ZNF536: variants seen among roughly 807,000 people sequenced by gnomAD.
ZNF536 encodes the protein zinc finger protein 536.
A neutral mutation model predicts 84.5 loss-of-function variants in ZNF536; 13 were observed. That is an observed-to-expected ratio of 0.15 (90% CI 0.10 to 0.24). The LOEUF is 0.24. Among genes scored for constraint, ZNF536 ranks in the 10% least tolerant of loss-of-function variants. The pLI is 1.00. For missense variants in ZNF536, 1,536 were observed against 1,747.5 expected, an observed-to-expected ratio of 0.88 and a Z score of 2.16; for synonymous variants, 811 against 742.5, an observed-to-expected ratio of 1.09 and a Z score of -1.50.
At chr19:30,621,658 A>G (rs2048486651) in intron 1 of ZNF536, among the ~76,000 whole-genome samples, 3 of 152,266 alleles carry the variant, frequency 2.0e-5, no homozygotes, top group Non-Finnish European at 2.9e-5. Context: ...ACCTGAGAAC[A>G]TGTAAAGTTA....
chr19:30,699,251 G>T (rs2051792321), intron 1 of ZNF536, among the ~76,000 whole-genome samples: 1 of 152,118 alleles, frequency 6.6e-6, no homozygotes, highest in Admixed American at 6.5e-5. Context: ...AGAAACCAAT[G>T]TCACCACTTC....
At chr19:30,284,719 T>C (rs2045570086) in intron 2 of ZNF536, among the ~76,000 whole-genome samples, 1 of 152,238 alleles carries the variant, frequency 6.6e-6, no homozygotes, top group East Asian at 1.9e-4. Context: ...CATCTGAGGC[T>C]GCCCCTGATA....
At chr19:30,515,698 G>T (rs1416157586) in intron 2 of ZNF536, among the ~76,000 whole-genome samples, 1 of 151,988 alleles carries the variant, frequency 6.6e-6, no homozygotes, top group Non-Finnish European at 1.5e-5. Context: ...CTTCTTAATG[G>T]AATCTCCCAG....
At position 30,653,966 on chromosome 19, in the gene ZNF536, C is replaced by T. The variant is rs540273264; in HGVS notation, c.170-56791C>T. Among the ~76,000 whole-genome samples, 7 of 152,308 alleles carry T rather than the reference C, an allele frequency of 4.6e-5. No individual in the cohort carries two copies. In the South Asian group the frequency reaches 1.0e-3, roughly 23 times the overall value. On this transcript the variant is annotated intron_variant, in intron 1 of 1. Transcript: ENST00000592773. ...CCCATCAGAACCCAGGACTCACCTG[C>T]GTGCTTTAGCTCTGCCTTCTGGCAA... is the stretch of plus-strand genomic sequence containing the variant.
chr19:30,594,732 C>G (rs1312505446), intron 1 of ZNF536, among the ~76,000 whole-genome samples: 2 of 152,014 alleles, frequency 1.3e-5, no homozygotes, highest in African/African-American at 4.8e-5. Context: ...CCTCCCTCCC[C>G]ACTCTTCTCC....
At chr19:30,385,562 G>T (rs949156836) in intron 1 of ZNF536, among the ~76,000 whole-genome samples, 3 of 151,754 alleles carry the variant, frequency 2.0e-5, no homozygotes, top group Admixed American at 6.6e-5. Context: ...GCAGGATAAA[G>T]GTTAACATCC....
chr19:30,618,198 C>G (rs1048166091), intron 1 of ZNF536, among the ~76,000 whole-genome samples: 12 of 152,174 alleles, frequency 7.9e-5, no homozygotes, highest in African/African-American at 2.9e-4. Flanking sequence ...GTATAATGCC[C>G]CACTTAGGTA....
intron 2 of ZNF536, among the ~76,000 whole-genome samples, chr19:30,474,674 A>T (rs2053774809): frequency 1.3e-5 from 2 of 152,194 alleles, no homozygotes. Flanking sequence ...ACTATTAATT[A>T]AGGTTGATAT....
intron 1 of ZNF536, among the ~76,000 whole-genome samples, chr19:30,259,765 T>G (rs2145232661): frequency 6.6e-6 from 1 of 152,166 alleles, no homozygotes; most frequent in South Asian, 2.1e-4. Flanking sequence ...GCTTCTTTTT[T>G]TTTCTGAGAC....
At chr19:30,279,879 T>C (rs2045374771) in intron 1 of ZNF536, among the ~76,000 whole-genome samples, 1 of 152,208 alleles carries the variant, frequency 6.6e-6, no homozygotes, top group African/African-American at 2.4e-5. Flanking sequence ...AAATCCTCCT[T>C]GCCCAACTCT....
At chr19:30,654,275 T>G (rs1400145515) in intron 1 of ZNF536, among the ~76,000 whole-genome samples, 2 of 152,106 alleles carry the variant, frequency 1.3e-5, no homozygotes, top group Non-Finnish European at 2.9e-5. Flanking sequence ...GGCATAGTAA[T>G]CACCCAGTTC....
chr19:30,587,459 C>T (rs2047133636), intron 1 of ZNF536, among the ~76,000 whole-genome samples: 2 of 152,200 alleles, frequency 1.3e-5, no homozygotes, highest in Non-Finnish European at 2.9e-5. Context: ...GTCTCCATCA[C>T]CCATGGTGAA....
rs551795264 is a variant in ZNF536, at chr19:30,694,528, G to T, written c.170-16229G>T. On this transcript the variant is annotated intron_variant, in intron 1 of 1. Transcript: ENST00000592773. ...GGTGATGCCTGGGAAGTAAATGGGT[G>T]CCAGGCAGCGGGAATAAGTGGGACC... is the stretch of plus-strand genomic sequence containing the variant. 4.8e-4 allele frequency among the ~76,000 whole-genome samples: 73 copies of T among 152,298 alleles called. No homozygotes were observed. The South Asian group carries it at 0.012, about 25-fold the overall frequency.
intron 1 of ZNF536, among the ~76,000 whole-genome samples, chr19:30,397,483 T>C (rs909291567): frequency 6.6e-5 from 10 of 152,200 alleles, no homozygotes; most frequent in African/African-American, 2.2e-4. Context: ...GATATTACTA[T>C]TGGGAGAAAC....
intron 1 of ZNF536, among the ~76,000 whole-genome samples, chr19:30,625,336 T>C (rs2048636272): frequency 6.6e-6 from 1 of 152,236 alleles, no homozygotes; most frequent in African/African-American, 2.4e-5. Flanking sequence ...TATTTGGATT[T>C]TCCCAGTGAG....
chr19:30,400,099 G>T (rs142221641), intron 1 of ZNF536, among the ~76,000 whole-genome samples: 3,209 of 151,540 alleles, frequency 0.021, 48 homozygotes, highest in Non-Finnish European at 0.03. Context: ...TGGCATAGAT[G>T]TACCACAATT....
intron 3 of ZNF536, among the ~76,000 whole-genome samples, chr19:30,354,662 T>C (rs1390184883): frequency 6.6e-6 from 1 of 152,168 alleles, no homozygotes; most frequent in Non-Finnish European, 1.5e-5. Context: ...GAAATATACA[T>C]CCTGGAATAA....
At chr19:30,682,094 G>C (rs1046143398) in intron 1 of ZNF536, among the ~76,000 whole-genome samples, 5 of 152,160 alleles carry the variant, frequency 3.3e-5, no homozygotes, top group Admixed American at 6.5e-5. Flanking sequence ...GGAGAACAAC[G>C]AGGGAGGGGC....
chr19:30,418,424 A>G (rs1456869822), intron 1 of ZNF536, among the ~76,000 whole-genome samples: 3 of 152,232 alleles, frequency 2.0e-5, no homozygotes, highest in Non-Finnish European at 4.4e-5. Context: ...TTAAATCTAA[A>G]TGATAGATGC....
Sources: gnomAD v4.1 joint callset for allele counts (sites outside exome capture counted in the v4.1 genomes callset) on GRCh38, gnomAD v4.1.1 for gene constraint, MANE v1.5 for transcripts, NCBI Gene and HGNC (gene_info 2026-07-23, HGNC 2026-07-21) for gene names.